The following OSBP2 variants were observed in gnomAD, a reference collection of about 807,000 sequenced individuals.
The protein encoded by OSBP2 is oxysterol-binding protein 2.
In OSBP2, 66 loss-of-function variants were observed where a neutral mutation model predicts 96.0. That is an observed-to-expected ratio of 0.69 (90% CI 0.56 to 0.84). The LOEUF (loss-of-function observed/expected upper bound fraction) is 0.84, where lower values mean the gene tolerates loss of function less well. Ranked by LOEUF, OSBP2 falls within the 40% of genes least tolerant of loss-of-function variation. The pLI is 0.00. For synonymous variants in OSBP2, 525 were observed against 520.9 expected, an observed-to-expected ratio of 1.01 and a Z score of -0.11; for missense variants, 1,038 against 1,222.7, an observed-to-expected ratio of 0.85 and a Z score of 2.25.
At chr22:30,847,131 C>T (rs1011297720) in intron 2 of OSBP2, among the ~76,000 whole-genome samples, 4 of 152,164 alleles carry the variant, frequency 2.6e-5, no homozygotes, top group Middle Eastern at 3.4e-3. Flanking sequence ...GCACCTGCCA[C>T]CATACCCAGA....
chr22:30,769,476 C>T lies in OSBP2; in HGVS notation c.853+28107C>T, dbSNP rs181329091. Among the ~76,000 whole-genome samples the T allele has an allele frequency of 3.9e-3, 596 of 152,212 alleles. 2 individuals carry two copies. Among genetic ancestry groups the T allele is most frequent in the Admixed American group, 0.011 (163 of 15,280 alleles). On this transcript the variant is annotated intron_variant, in intron 2 of 13. Coordinates refer to ENST00000332585, the MANE Select transcript of OSBP2 (RefSeq NM_030758.4). The stretch of plus-strand genomic sequence containing the variant: ...CCAGCCTGGCCAACATGGCAAAACC[C>T]GGTCTCTACTAAAAATACAAAAATT...
At position 30,870,734 on chromosome 22, in the gene OSBP2, G is replaced by C; in HGVS notation, c.1107+52G>C. 6.3e-7 allele frequency: 1 copy of C among 1,583,136 alleles called. No homozygotes were observed. Among genetic ancestry groups the C allele is most frequent in the South Asian group, 1.1e-5 (1 of 88,160 alleles). ...CACGGGGCTCCCTGGCTCCAGCCCC[G>C]GGGTCCCTCGGTGGGTGACCAGGGT... On this transcript the variant is annotated intron_variant, in intron 3 of 13. Coordinates refer to ENST00000332585, the MANE Select transcript of OSBP2 (RefSeq NM_030758.4). This position sits in a 1 kb window ranked among gnomAD's most constrained non-coding sequence, Gnocchi z 4.1.
intron 2 of OSBP2, among the ~76,000 whole-genome samples, chr22:30,816,298 C>T (rs1238592270): frequency 2.0e-5 from 3 of 152,092 alleles, no homozygotes; most frequent in Non-Finnish European, 2.9e-5. Flanking sequence ...TCATTGAAGA[C>T]GAAATAAATG....
At chr22:30,863,884 C>G (rs929863877) in intron 2 of OSBP2, among the ~76,000 whole-genome samples, 1 of 152,136 alleles carries the variant, frequency 6.6e-6, no homozygotes, top group African/African-American at 2.4e-5. Flanking sequence ...TTTCTTTGCT[C>G]CCCTCAGGGC....
intron 2 of OSBP2, among the ~76,000 whole-genome samples, chr22:30,769,954 G>T (rs1445682418): frequency 6.6e-6 from 1 of 152,076 alleles, no homozygotes; most frequent in East Asian, 1.9e-4. Context: ...TGAATCATGG[G>T]GTGGTTTCCC....
chr22:30,776,533 G>A (rs2090440121), intron 2 of OSBP2, among the ~76,000 whole-genome samples: 1 of 151,772 alleles, frequency 6.6e-6, no homozygotes, highest in Admixed American at 6.6e-5. Flanking sequence ...CATTCTGGTT[G>A]TTGGCAATAT....
intron 3 of OSBP2, among the ~76,000 whole-genome samples, chr22:30,874,319 G>A (rs997123758): frequency 4.6e-5 from 7 of 152,140 alleles, no homozygotes; most frequent in Non-Finnish European, 7.4e-5. Flanking sequence ...GGCTGAGGCA[G>A]GAGAATCGTT....
chr22:30,781,506 C>T (rs192304374), intron 2 of OSBP2, among the ~76,000 whole-genome samples: 20 of 152,162 alleles, frequency 1.3e-4, no homozygotes, highest in Admixed American at 8.5e-4. Context: ...TGTGGAGAGA[C>T]GCAGGAACAC....
chr22:30,822,421 G>C, intron 2 of OSBP2: 3 of 975,542 alleles, frequency 3.1e-6, no homozygotes, highest in Non-Finnish European at 4.0e-6. Flanking sequence ...GCTCAGGCTG[G>C]GCTCGGCTCC....
At chr22:30,751,839 A>AT (rs1763538422) in intron 2 of OSBP2, among the ~76,000 whole-genome samples, 1 of 152,202 alleles carries the variant, frequency 6.6e-6, no homozygotes, top group Non-Finnish European at 1.5e-5. Context: ...GTCCAACAAC[A>AT]TGTGTCGACC....
intron 1 of OSBP2, among the ~76,000 whole-genome samples, chr22:30,717,090 T>TTTTTGTGTGTGTGTGTG (rs71328866): frequency 8.5e-6 from 1 of 118,320 alleles, no homozygotes; most frequent in African/African-American, 3.2e-5. Context: ...TTTACTGTTT[T>TTTTTGTGTGTGTGTGTG]TGTGTGTGTG....
chr22:30,857,617 T>A (rs932624446), intron 2 of OSBP2, among the ~76,000 whole-genome samples: 4 of 152,264 alleles, frequency 2.6e-5, no homozygotes, highest in African/African-American at 4.8e-5. Flanking sequence ...TGGCCAATGC[T>A]TGTAGCCTCC....
chr22:30,848,464 C>A (rs954384757), intron 2 of OSBP2, among the ~76,000 whole-genome samples: 2 of 152,050 alleles, frequency 1.3e-5, no homozygotes, highest in African/African-American at 4.8e-5. Flanking sequence ...TTAAATGCAA[C>A]AAAATGAACT....
chr22:30,720,614 A>C (rs1321440075), intron 1 of OSBP2, among the ~76,000 whole-genome samples: 1 of 152,178 alleles, frequency 6.6e-6, no homozygotes, highest in Non-Finnish European at 1.5e-5. Flanking sequence ...AAAACACTAC[A>C]CATCCATGAC....
Position 30,707,253 on chromosome 22 carries a change from C to T in OSBP2, c.644+11700C>T, listed in dbSNP as rs945022459. ...GTGGGATTACAGGCTCTCGCTGCCA[C>T]GCCCGGCTAATTTTTGTATTTTTAG... On this transcript the variant is annotated intron_variant, in intron 1 of 13. Coordinates refer to ENST00000332585, the MANE Select transcript of OSBP2 (RefSeq NM_030758.4). Among the ~76,000 whole-genome samples the T allele has an allele frequency of 2.4e-4, 36 of 152,190 alleles. 1 individual carries two copies. Among genetic ancestry groups the T allele is most frequent in the Admixed American group, 1.6e-3 (24 of 15,290 alleles).
At chr22:30,830,897 A>T (rs2038508176) in intron 2 of OSBP2, among the ~76,000 whole-genome samples, 1 of 151,458 alleles carries the variant, frequency 6.6e-6, no homozygotes, top group Admixed American at 6.6e-5. Context: ...AAAAAAAAAA[A>T]TGTCATTTTC....
At chr22:30,813,256 T>C (rs1314713160) in intron 2 of OSBP2, among the ~76,000 whole-genome samples, 1 of 141,876 alleles carries the variant, frequency 7.0e-6, no homozygotes, top group Non-Finnish European at 1.5e-5. Flanking sequence ...CTCAGCTCAC[T>C]GCAACCTCTC....
At chr22:30,900,195 G>A (rs1474777332) in intron 12 of OSBP2, among the ~76,000 whole-genome samples, 1 of 151,790 alleles carries the variant, frequency 6.6e-6, no homozygotes, top group Non-Finnish European at 1.5e-5. Context: ...CAAAGGTTGT[G>A]GTGAGCCAAG....
intron 2 of OSBP2, among the ~76,000 whole-genome samples, chr22:30,750,632 A>G (rs1265202233): frequency 2.0e-5 from 3 of 152,190 alleles, no homozygotes; most frequent in Non-Finnish European, 2.9e-5. Flanking sequence ...TTGGCAATCT[A>G]TTCTCTCCAA....
Sources: gnomAD v4.1 joint callset for allele counts (sites outside exome capture counted in the v4.1 genomes callset) on GRCh38, gnomAD v4.1.1 for gene constraint, Gnocchi (gnomAD v3.1) non-coding constraint, MANE v1.5 for transcripts, NCBI Gene and HGNC (gene_info 2026-07-23, HGNC 2026-07-21) for gene names.